Variants in CLIC5 observed in about 807,000 individuals in gnomAD.
CLIC5 encodes chloride intracellular channel protein 5.
In CLIC5, 20 loss-of-function variants were observed where a neutral mutation model predicts 24.7. That is an observed-to-expected ratio of 0.81 (90% CI 0.57 to 1.18). The LOEUF is 1.18. Among genes scored for constraint, CLIC5 ranks in the 50% most tolerant of loss-of-function variants. CLIC5 has a pLI of 0.00. For synonymous variants in CLIC5, 159 were observed against 135.6 expected (o/e 1.17, Z -1.20); for missense variants, 341 against 326.1 (o/e 1.05, Z -0.35).
At chr6:45,909,825 T>C (rs1195247947) in intron 5 of CLIC5, among the ~76,000 whole-genome samples, 1 of 152,234 alleles carries the variant, frequency 6.6e-6, no homozygotes, top group Non-Finnish European at 1.5e-5. Flanking sequence ...ATCCACCTTC[T>C]ACCTTGCTTT....
chr6:46,013,799 C>A (rs1381422759), intron 1 of CLIC5, among the ~76,000 whole-genome samples: 2 of 152,206 alleles, frequency 1.3e-5, no homozygotes, highest in Non-Finnish European at 2.9e-5. Context: ...AAACTTGACA[C>A]CTTGAAACTA....
chr6:45,955,372 G>A (rs983893700), intron 1 of CLIC5, 128 bp from the exon 2 acceptor site: 12 of 639,804 alleles, frequency 1.9e-5, no homozygotes, highest in Middle Eastern at 4.2e-4. Context: ...TTCAAAGGGC[G>A]GTAGCCTGAT....
chr6:46,107,427 C>T, the CLIC5 span, among the ~76,000 whole-genome samples: 2 of 152,140 alleles, frequency 1.3e-5, no homozygotes, highest in East Asian at 3.9e-4. Flanking sequence ...TCTTCACATC[C>T]CTGTCCCTTG....
chr6:45,918,817 C>G, intron 4 of CLIC5: 1 of 335,446 alleles, frequency 3.0e-6, no homozygotes, highest in Non-Finnish European at 4.2e-6. Context: ...TCACTGAATT[C>G]CCGCAGTGAG....
chr6:46,126,346 C>A, the CLIC5 span, among the ~76,000 whole-genome samples: 1 of 152,158 alleles, frequency 6.6e-6, no homozygotes, highest in East Asian at 1.9e-4. Flanking sequence ...ATTTTTGTAT[C>A]TTTTGAAAAA....
intron 6 of CLIC5, among the ~76,000 whole-genome samples, chr6:45,886,086 G>A (rs928528138): frequency 1.3e-5 from 2 of 152,178 alleles, no homozygotes; most frequent in African/African-American, 4.8e-5. Flanking sequence ...CTCATTCTAA[G>A]GTTACCAGAA....
At chr6:45,979,252 G>C (rs778617471) in intron 1 of CLIC5, among the ~76,000 whole-genome samples, 1 of 152,122 alleles carries the variant, frequency 6.6e-6, no homozygotes, top group Non-Finnish European at 1.5e-5. Flanking sequence ...GCTAACTGAA[G>C]ACCAATCTTC....
At chr6:46,069,060 G>C (rs1388827271) in intron 1 of CLIC5, among the ~76,000 whole-genome samples, 1 of 152,120 alleles carries the variant, frequency 6.6e-6, no homozygotes. Flanking sequence ...GCATTTGAAA[G>C]GACAGGAAGG....
Position 46,050,842 on chromosome 6 carries a change from A to AGTGT in CLIC5, c.540+28857_540+28860dup, listed in dbSNP as rs1362299564. Among the ~76,000 whole-genome samples, 3 of 93,194 alleles carry AGTGT rather than the reference A, an allele frequency of 3.2e-5. No homozygotes were observed. The South Asian group carries it at 1.1e-3, about 36-fold the overall frequency. The allele number at this position is 93,194 out of a possible 152,430, so 61.1% of individuals were successfully genotyped here. A position where few individuals can be genotyped will look rare whatever the true frequency, so the allele number is the denominator to read the frequency against. ...ATGGCAGGTTGTATTTAAGGTATAA[A>AGTGT]GTGTGTGTGTATGTGTGTGTGTGTG... On this transcript the variant is annotated intron_variant, in intron 1 of 5. Transcript: ENST00000185206.
intron 1 of CLIC5, among the ~76,000 whole-genome samples, chr6:46,053,585 G>A (rs1384599492): frequency 6.6e-6 from 1 of 152,152 alleles, no homozygotes; most frequent in Non-Finnish European, 1.5e-5. Flanking sequence ...CCCAGTAAAT[G>A]TACTTTAATC....
chr6:46,003,859 G>T (rs948776613), intron 1 of CLIC5, among the ~76,000 whole-genome samples: 1 of 152,194 alleles, frequency 6.6e-6, no homozygotes, highest in African/African-American at 2.4e-5. Flanking sequence ...CCCTGTTCTG[G>T]TGGAGAGTGG....
At chr6:45,955,006 G>A in intron 2 of CLIC5, 129 bp downstream of exon 2, 1 of 599,742 alleles carries the variant, frequency 1.7e-6, no homozygotes, top group South Asian at 2.3e-5. Context: ...TGGATCCTGA[G>A]ACACAGTTCT....
chr6:45,936,874 C>T (rs138338749), intron 4 of CLIC5, among the ~76,000 whole-genome samples: 119 of 152,032 alleles, frequency 7.8e-4, no homozygotes, highest in African/African-American at 2.5e-3. Context: ...ATCTTGCCAC[C>T]GAGTCATGAG....
chr6:46,052,627 G>A (rs559641131), intron 1 of CLIC5, among the ~76,000 whole-genome samples: 4 of 152,310 alleles, frequency 2.6e-5, no homozygotes, highest in African/African-American at 7.2e-5. Context: ...CAGTGGGTGG[G>A]AGGTATGATA....
chr6:46,006,294 G>A (rs1002255290), intron 1 of CLIC5, among the ~76,000 whole-genome samples: 17 of 151,322 alleles, frequency 1.1e-4, no homozygotes, highest in Non-Finnish European at 1.8e-4. Context: ...ACAGGCATGC[G>A]CCACCATGTC....
chr6:46,051,458 C>T (rs1336039733), intron 1 of CLIC5, among the ~76,000 whole-genome samples: 2 of 152,214 alleles, frequency 1.3e-5, no homozygotes, highest in African/African-American at 4.8e-5. Flanking sequence ...CAAGTCTTCA[C>T]TTGTAAAGTG....
intron 1 of CLIC5, among the ~76,000 whole-genome samples, chr6:45,962,423 C>T (rs1290789480): frequency 6.7e-6 from 1 of 149,024 alleles, no homozygotes; most frequent in Non-Finnish European, 1.5e-5. Flanking sequence ...GAGGCCTACC[C>T]ACACTATAAA....
At chr6:46,092,393 A>G in the CLIC5 span, among the ~76,000 whole-genome samples, 1 of 150,696 alleles carries the variant, frequency 6.6e-6, no homozygotes, top group Non-Finnish European at 1.5e-5. Flanking sequence ...GGTTTTCTCA[A>G]GTCTTCCTCA....
At chr6:45,895,273 C>A (rs923592250), downstream of CLIC5, among the ~76,000 whole-genome samples, 1 of 152,144 alleles carries the variant, frequency 6.6e-6, no homozygotes, top group Non-Finnish European at 1.5e-5. Context: ...AAGCTTCTAA[C>A]CTGTTTCTAA....
Sources: allele counts gnomAD v4.1 joint callset (sites outside exome capture counted in the v4.1 genomes callset), GRCh38; gene constraint gnomAD v4.1.1; transcripts MANE v1.5; gene names NCBI Gene and HGNC (gene_info 2026-07-23, HGNC 2026-07-21).